RALGPS2: variants seen among roughly 807,000 people sequenced by gnomAD.
RALGPS2 encodes Ral GEF with PH domain and SH3 binding motif 2, also known as ras-specific guanine nucleotide-releasing factor RalGPS2.
A neutral mutation model predicts 86.8 loss-of-function variants in RALGPS2; 43 were observed. The ratio of observed to expected loss-of-function variants is 0.50; its 90% CI spans 0.39 to 0.64. The LOEUF (loss-of-function observed/expected upper bound fraction) is 0.64. Among genes scored for constraint, RALGPS2 ranks in the 30% least tolerant of loss-of-function variants. The probability of loss-of-function intolerance (pLI) is 0.00; values close to 1 mark genes in which losing one functional copy is unlikely to be tolerated. For synonymous variants in RALGPS2, 243 were observed against 231.3 expected, an observed-to-expected ratio of 1.05 and a Z score of -0.46; for missense variants, 536 against 694.6, an observed-to-expected ratio of 0.77 and a Z score of 2.57.
chr1:178,732,345 C>G (rs571758913), intron 1 of RALGPS2, among the ~76,000 whole-genome samples: 2 of 151,824 alleles, frequency 1.3e-5, no homozygotes, highest in East Asian at 3.9e-4. Context: ...GTCGCCTAGG[C>G]TGGAGTGCAG....
chr1:178,756,156 C>G (rs1651946810), intron 1 of RALGPS2, among the ~76,000 whole-genome samples: 1 of 151,886 alleles, frequency 6.6e-6, no homozygotes, highest in South Asian at 2.1e-4. Context: ...TGTGGAAGAG[C>G]TCTTTAATTA....
At chr1:178,752,133 A>ATTTTTTT (rs201582341) in intron 1 of RALGPS2, among the ~76,000 whole-genome samples, 1 of 136,202 alleles carries the variant, frequency 7.3e-6, no homozygotes. Flanking sequence ...TTGTGTAGTA[A>ATTTTTTT]TTTTTTTTTT....
Position 178,833,534 on chromosome 1 carries a change from T to C in RALGPS2, c.591T>C (p.Pro197=), listed in dbSNP as rs748330977. Residue 197 remains proline (P), a synonymous_variant, in exon 8 of 20, where the codon CCT becomes CCC. Transcript: ENST00000367635. ...RDYISSLKMT[P]CIPYLGIYLS... Reference sequence around the variant, plus strand: ...ATATAAGTAGCTTAAAGATGACACCTTGCATTCCCTATTTAGGTGAGTTAT... The same window carrying C: ...ATATAAGTAGCTTAAAGATGACACCCTGCATTCCCTATTTAGGTGAGTTAT... 2 of 1,532,418 alleles carry C rather than the reference T, an allele frequency of 1.3e-6. No individual in the cohort carries two copies. Among genetic ancestry groups the C allele is most frequent in the Non-Finnish European group, 1.7e-6 (2 of 1,151,356 alleles). The allele number at this position is 1,532,418 out of a possible 1,614,324, so 94.9% of individuals were successfully genotyped here.
At chr1:178,766,750 T>C (rs941485456) in intron 1 of RALGPS2, among the ~76,000 whole-genome samples, 4 of 152,232 alleles carry the variant, frequency 2.6e-5, no homozygotes, top group Non-Finnish European at 5.9e-5. Flanking sequence ...GTGTAGTATT[T>C]TTCAGGGGTT....
intron 4 of RALGPS2, among the ~76,000 whole-genome samples, chr1:178,788,353 A>T (rs74526290): frequency 3.9e-5 from 6 of 152,196 alleles, no homozygotes; most frequent in African/African-American, 1.4e-4. Flanking sequence ...AAGGTATAGC[A>T]GTAAGCCAAC....
intron 1 of RALGPS2, among the ~76,000 whole-genome samples, chr1:178,765,561 G>A (rs1652462424): frequency 6.6e-6 from 1 of 152,158 alleles, no homozygotes; most frequent in Non-Finnish European, 1.5e-5. Context: ...GAAGTTTCGG[G>A]CACGCATTGT....
intron 8 of RALGPS2, among the ~76,000 whole-genome samples, chr1:178,860,316 G>A (rs1657914442): frequency 6.6e-6 from 1 of 152,056 alleles, no homozygotes; most frequent in Non-Finnish European, 1.5e-5. Context: ...AGAGAAGAAG[G>A]TAATGTGTTT....
At chr1:178,788,824 T>TTTC (rs1343947991) in intron 4 of RALGPS2, among the ~76,000 whole-genome samples, 10 of 129,466 alleles carry the variant, frequency 7.7e-5, no homozygotes, top group African/African-American at 2.9e-4. Context: ...TTTTCTTTTC[T>TTTC]TTTGTTTTCT....
intron 8 of RALGPS2, among the ~76,000 whole-genome samples, chr1:178,840,091 A>G (rs1656513679): frequency 1.3e-5 from 2 of 152,192 alleles, no homozygotes; most frequent in African/African-American, 4.8e-5. Flanking sequence ...AGACAGATCA[A>G]CAAGACAGAA....
chr1:178,907,101 T>A (rs1660417623), intron 19 of RALGPS2, among the ~76,000 whole-genome samples: 1 of 152,130 alleles, frequency 6.6e-6, no homozygotes, highest in African/African-American at 2.4e-5. Context: ...AAGAAAACAA[T>A]AGACGTATGT....
chr1:178,850,775 A>T (rs568857392), intron 8 of RALGPS2: 26 of 161,550 alleles, frequency 1.6e-4, no homozygotes, highest in Non-Finnish European at 3.1e-4. Flanking sequence ...ACGTTAGAGC[A>T]ATCTTAGATT....
At chr1:178,862,278 TATTAA>T (rs1658077778) in intron 8 of RALGPS2, among the ~76,000 whole-genome samples, 2 of 152,158 alleles carry the variant, frequency 1.3e-5, no homozygotes, top group South Asian at 2.1e-4. Flanking sequence ...TGATATAACG[TATTAA>T]ATTACTTTCA....
intron 1 of RALGPS2, among the ~76,000 whole-genome samples, chr1:178,750,809 A>G (rs114163905): frequency 0.036 from 5,509 of 152,272 alleles, 122 homozygotes; most frequent in Middle Eastern, 0.058. Context: ...ATTGTGGTAC[A>G]TTTCTCTGTC....
chr1:178,851,227 A>C, intron 8 of RALGPS2: 1 of 1,614,020 alleles, frequency 6.2e-7, no homozygotes, highest in Non-Finnish European at 8.5e-7. Context: ...TTGCTTCTGT[A>C]ATGGCCTCCT....
chr1:178,779,025 A>G (rs1389330933), intron 2 of RALGPS2, among the ~76,000 whole-genome samples: 1 of 152,180 alleles, frequency 6.6e-6, no homozygotes, highest in East Asian at 1.9e-4. Context: ...TTTACATTAC[A>G]TCATCCTTGA....
At chr1:178,846,190 C>T (rs577877209) in intron 8 of RALGPS2, among the ~76,000 whole-genome samples, 3 of 152,206 alleles carry the variant, frequency 2.0e-5, no homozygotes, top group Admixed American at 1.3e-4. Context: ...TTTTTCCTCT[C>T]GTTTGATAGA....
chr1:178,742,079 T>C (rs1020995296), intron 1 of RALGPS2, among the ~76,000 whole-genome samples: 2 of 143,760 alleles, frequency 1.4e-5, no homozygotes, highest in Non-Finnish European at 3.0e-5. Context: ...GAGGTGGCAG[T>C]GAGCTGAGAT....
chr1:178,760,785 T>C (rs73037767), intron 1 of RALGPS2, among the ~76,000 whole-genome samples: 2,166 of 152,292 alleles, frequency 0.014, 51 homozygotes, highest in African/African-American at 0.049. Context: ...TCATTTTGCA[T>C]AGTGTCTCAC....
At chr1:178,749,150 C>G (rs1030714429) in intron 1 of RALGPS2, among the ~76,000 whole-genome samples, 3 of 152,042 alleles carry the variant, frequency 2.0e-5, no homozygotes, top group Admixed American at 6.6e-5. Context: ...CAAAATTTGT[C>G]TTTTGTTTTT....
Sources: allele counts gnomAD v4.1 joint callset (sites outside exome capture counted in the v4.1 genomes callset), GRCh38; gene constraint gnomAD v4.1.1; transcripts MANE v1.5; gene names NCBI Gene and HGNC (gene_info 2026-07-23, HGNC 2026-07-21).